The following N4BP1 variants were observed in gnomAD, a reference collection of about 807,000 sequenced individuals.
N4BP1 encodes NEDD4-binding protein 1.
In N4BP1, 21 loss-of-function variants were observed where a neutral mutation model predicts 70.9. The ratio of observed to expected loss-of-function variants is 0.30; its 90% confidence interval spans 0.21 to 0.43. N4BP1 has a LOEUF of 0.43. Among genes scored for constraint, N4BP1 ranks in the 20% least tolerant of loss-of-function variants. N4BP1 has a pLI of 1.00. For synonymous variants in N4BP1, 387 were observed against 394.6 expected (o/e 0.98, Z 0.23); for missense variants, 936 against 1,069.4 (o/e 0.88, Z 1.74).
At chr16:48,553,456 C>G in intron 3 of N4BP1, 83 bp downstream of exon 3, 4 of 1,358,670 alleles carry the variant, frequency 2.9e-6, no homozygotes, top group African/African-American at 1.5e-5. Context: ...GCACACAGCT[C>G]TATTCTAAAT....
At chr16:48,558,026 T>G (rs1425093840) in intron 2 of N4BP1, among the ~76,000 whole-genome samples, 1 of 152,194 alleles carries the variant, frequency 6.6e-6, no homozygotes, top group Non-Finnish European at 1.5e-5. Context: ...CAATGGCATT[T>G]ACTACGTTCG....
chr16:48,609,936 G>C lies in N4BP1; in HGVS notation c.37C>G (p.Pro13Ala). The part of the protein sequence containing the change: ...ARAVLDEFTA[P>A]AEKAELLEQS... The stretch of plus-strand genomic sequence containing the variant: ...TCCAGCAGCTCCGCCTTCTCAGCTG[G>C]CGCAGTGAACTCGTCCAGCACCGCC... The change falls in exon 1 of 7, where the codon CCA becomes GCA. Residue 13 changes from proline to alanine, a missense_variant. This residue lies in a region of N4BP1 where 187 missense variants were observed against 217.1 expected (regional missense o/e 0.86). Transcript: ENST00000262384. 1 of 1,421,566 alleles carries C rather than the reference G, an allele frequency of 7.0e-7. No homozygotes were observed. Among genetic ancestry groups the C allele is most frequent in the Non-Finnish European group, 9.2e-7 (1 of 1,082,076 alleles). 88.1% of individuals were successfully genotyped at this position (1,421,566 alleles called of 1,614,324 possible).
chr16:48,581,635 A>G (rs568554343), intron 1 of N4BP1, among the ~76,000 whole-genome samples: 48 of 152,322 alleles, frequency 3.2e-4, no homozygotes, highest in African/African-American at 1.0e-3. Flanking sequence ...AAGGAGTTCA[A>G]AAATCTTTAC....
chr16:48,565,206 T>G (rs1426706669), intron 1 of N4BP1, among the ~76,000 whole-genome samples: 1 of 152,220 alleles, frequency 6.6e-6, no homozygotes, highest in Non-Finnish European at 1.5e-5. Context: ...TGGCGAGCAG[T>G]GGTGAGACTG....
intron 1 of N4BP1, among the ~76,000 whole-genome samples, chr16:48,609,389 G>A (rs534169014): frequency 4.5e-4 from 68 of 152,344 alleles, no homozygotes; most frequent in African/African-American, 1.4e-3. Flanking sequence ...TGGTGGACGA[G>A]GCTGCGGGCC....
At chr16:48,600,839 TGATA>T (rs1392841787) in intron 1 of N4BP1, among the ~76,000 whole-genome samples, 1 of 152,248 alleles carries the variant, frequency 6.6e-6, no homozygotes, top group African/African-American at 2.4e-5. Context: ...AAATCTTCAC[TGATA>T]GATATGTAAA....
Position 48,561,840 on chromosome 16 carries a change from C to A in N4BP1, c.803G>T (p.Gly268Val). Reference protein sequence around the residue: ...SPDVLFDPINGLTPDEEALSN... With the variant: ...SPDVLFDPINVLTPDEEALSN... Reference sequence around the variant, plus strand: ...AAGTGCCTCTTCATCTGGGGTTAGACCATTTATTGGATCAAAAAGCACATC... The same window carrying A: ...AAGTGCCTCTTCATCTGGGGTTAGAACATTTATTGGATCAAAAAGCACATC... Residue 268 changes from glycine to valine, a missense_variant, in exon 2 of 7, where the codon GGT (glycine) becomes GTT (valine). This residue lies in a region of N4BP1 where 515 missense variants were observed against 491.7 expected (regional missense o/e 1.05). Coordinates refer to ENST00000262384, the MANE Select transcript of N4BP1 (RefSeq NM_153029.4). 6.2e-7 allele frequency: 1 copy of A among 1,613,812 alleles called. No homozygotes were observed. Among genetic ancestry groups the A allele is most frequent in the Non-Finnish European group, 8.5e-7 (1 of 1,179,874 alleles).
chr16:48,595,339 T>C (rs1964394685), intron 1 of N4BP1, among the ~76,000 whole-genome samples: 1 of 150,466 alleles, frequency 6.6e-6, no homozygotes, highest in Non-Finnish European at 1.5e-5. Context: ...AGCGCACACC[T>C]GTAATTCCAG....
chr16:48,547,870 G>T, intron 5 of N4BP1, 137 bp downstream of exon 5: 2 of 624,672 alleles, frequency 3.2e-6, no homozygotes, highest in Non-Finnish European at 5.8e-6. Flanking sequence ...GTGCAGCACA[G>T]TCTTATGATA....
chr16:48,594,017 A>C (rs1964375387), intron 1 of N4BP1, among the ~76,000 whole-genome samples: 1 of 150,024 alleles, frequency 6.7e-6, no homozygotes, highest in Non-Finnish European at 1.5e-5. Flanking sequence ...AAAAAAAAAA[A>C]ACAAAAAAAA....
intron 2 of N4BP1, among the ~76,000 whole-genome samples, chr16:48,558,098 T>G (rs1359051396): frequency 1.3e-5 from 2 of 152,188 alleles, no homozygotes; most frequent in Admixed American, 6.5e-5. Flanking sequence ...AAAATAAAAC[T>G]CTATACCCAT....
intron 1 of N4BP1, among the ~76,000 whole-genome samples, chr16:48,604,746 G>C (rs933406909): frequency 6.6e-6 from 1 of 151,958 alleles, no homozygotes; most frequent in Non-Finnish European, 1.5e-5. Context: ...CGATGAATTC[G>C]ATGTGTATGA....
At chr16:48,558,861 A>G (rs1963799404) in intron 2 of N4BP1, among the ~76,000 whole-genome samples, 1 of 152,250 alleles carries the variant, frequency 6.6e-6, no homozygotes, top group Non-Finnish European at 1.5e-5. Flanking sequence ...GACAATAAAC[A>G]GTATTATTTG....
At chr16:48,551,027 A>G (rs1231503636) in intron 4 of N4BP1, among the ~76,000 whole-genome samples, 2 of 152,228 alleles carry the variant, frequency 1.3e-5, no homozygotes, top group Admixed American at 6.5e-5. Flanking sequence ...AGGCATTACA[A>G]TAACAGGCTA....
intron 3 of N4BP1, among the ~76,000 whole-genome samples, chr16:48,553,192 G>A (rs1288864215): frequency 6.6e-6 from 1 of 152,168 alleles, no homozygotes; most frequent in African/African-American, 2.4e-5. Flanking sequence ...GTAACTTGAA[G>A]GGGCCAAATT....
rs1201848719 is a variant in N4BP1, at chr16:48,541,790, GAGAA to G, written c.*1110_*1113del. The G allele has an allele frequency of 3.3e-5, 5 of 152,630 alleles. No homozygotes were observed. Among genetic ancestry groups the G allele is most frequent in the African/African-American group, 1.2e-4 (5 of 41,460 alleles). The allele number at this position is 152,630 out of a possible 1,614,324, so 9.5% of individuals were successfully genotyped here. A position where few individuals can be genotyped will look rare whatever the true frequency, so the allele number is the denominator to read the frequency against. On this transcript the variant is annotated 3_prime_UTR_variant, in exon 7 of 7. Transcript: ENST00000262384. ...CAGACAATATTAAGATATCAATTCTGAGAAAGACTCACAGGAAAGGCTGTTTAGG... is the reference window on the plus strand; with the variant it reads ...CAGACAATATTAAGATATCAATTCTGAGACTCACAGGAAAGGCTGTTTAGG...
chr16:48,548,057 G>A lies in N4BP1; in HGVS notation c.2175C>T (p.Phe725=). 1 of 1,612,758 alleles carries A rather than the reference G, an allele frequency of 6.2e-7. No homozygotes were observed. Among genetic ancestry groups the A allele is most frequent in the Non-Finnish European group, 8.5e-7 (1 of 1,178,792 alleles). The part of the protein sequence containing the change: ...TGGIIVTNDN[F]REFVNESVSW... Reference sequence around the variant, plus strand: ...AGACTGACTCATTCACAAATTCTCTGAAATTATCATTTGTCACAATTATGC... The same window carrying A: ...AGACTGACTCATTCACAAATTCTCTAAAATTATCATTTGTCACAATTATGC... Residue 725 remains phenylalanine (F), a synonymous_variant, in exon 5 of 7, where the codon TTC becomes TTT. Coordinates refer to ENST00000262384, the MANE Select transcript of N4BP1 (RefSeq NM_153029.4).
intron 1 of N4BP1, among the ~76,000 whole-genome samples, chr16:48,592,859 CAT>C (rs1394470046): frequency 1.3e-5 from 2 of 152,102 alleles, no homozygotes; most frequent in Non-Finnish European, 2.9e-5. Flanking sequence ...GGTCTGGGGA[CAT>C]GTGAAATTAG....
At chr16:48,605,160 G>A (rs1025178413) in intron 1 of N4BP1, among the ~76,000 whole-genome samples, 11 of 152,154 alleles carry the variant, frequency 7.2e-5, no homozygotes, top group Admixed American at 6.5e-4. Context: ...AGCCTCCTGA[G>A]TAGCTGGGAT....
Sources: gnomAD v4.1 joint callset for allele counts (sites outside exome capture counted in the v4.1 genomes callset) on GRCh38, gnomAD v4.1.1 for gene constraint, gnomAD v4.1.1 regional missense constraint, MANE v1.5 for transcripts, NCBI Gene and HGNC (gene_info 2026-07-23, HGNC 2026-07-21) for gene names.